Variants in PATJ observed in about 807,000 individuals in gnomAD.
PATJ encodes the protein PATJ crumbs cell polarity complex component, also known as inaD-like protein.
In PATJ, 190 loss-of-function variants were observed where a neutral mutation model predicts 224.9. That is an observed-to-expected ratio of 0.84 (90% CI 0.75 to 0.95). PATJ has a LOEUF of 0.95. PATJ is among the 40% of genes least tolerant of loss of function. The pLI is 0.00. For missense variants in PATJ, 2,121 were observed against 2,270.3 expected, an observed-to-expected ratio of 0.93 and a Z score of 1.34; for synonymous variants, 769 against 820.3, an observed-to-expected ratio of 0.94 and a Z score of 1.07.
rs146569921 is a variant in PATJ at position 62,087,652 on chromosome 1, G to A, written c.4377+3004G>A. On this transcript the variant is annotated intron_variant, in intron 33 of 43. Coordinates refer to ENST00000642238, the MANE Select transcript of PATJ (RefSeq NM_001350145.3). The stretch of plus-strand genomic sequence containing the variant: ...CTTCCCTTTCCTACCATTGGGCCCC[G>A]TCTAGAAAATCCTGGCTTTGAGCCC... 3.0e-3 allele frequency among the ~76,000 whole-genome samples: 458 copies of A among 151,556 alleles called. 1 individual carries two copies. Among genetic ancestry groups the A allele is most frequent in the Middle Eastern group, 0.014 (4 of 294 alleles).
intron 15 of PATJ, among the ~76,000 whole-genome samples, chr1:61,826,219 G>T (rs2148744761): frequency 6.6e-6 from 1 of 152,266 alleles, no homozygotes; most frequent in Non-Finnish European, 1.5e-5. Flanking sequence ...GCTTGAGAGT[G>T]GTTCCCAGGA....
chr1:62,088,517 C>G (rs1474878550), intron 33 of PATJ, among the ~76,000 whole-genome samples: 1 of 152,172 alleles, frequency 6.6e-6, no homozygotes, highest in African/African-American at 2.4e-5. Context: ...GACCATTCCT[C>G]TCTTTTAGCT....
chr1:61,771,101 G>A (rs1045353096), intron 5 of PATJ, among the ~76,000 whole-genome samples: 3 of 152,006 alleles, frequency 2.0e-5, no homozygotes, highest in African/African-American at 7.2e-5. Flanking sequence ...GAAGGGGTTC[G>A]GGAGGTTTGG....
intron 6 of PATJ, among the ~76,000 whole-genome samples, chr1:61,773,709 C>G (rs776390577): frequency 3.8e-4 from 57 of 151,932 alleles, no homozygotes; most frequent in Non-Finnish European, 7.7e-4. Context: ...ATTGCTTGAA[C>G]CTGGCAGGCG....
intron 24 of PATJ, among the ~76,000 whole-genome samples, chr1:61,906,019 A>G (rs1317667686): frequency 2.0e-5 from 3 of 152,194 alleles, no homozygotes; most frequent in Admixed American, 6.5e-5. Context: ...TCAGACGCCA[A>G]TCTTAGTAGG....
chr1:61,855,318 A>G (rs1557761814), intron 17 of PATJ, among the ~76,000 whole-genome samples: 1 of 152,184 alleles, frequency 6.6e-6, no homozygotes, highest in Non-Finnish European at 1.5e-5. Flanking sequence ...CAGGAAATCT[A>G]TATATTTTGG....
At chr1:62,119,956 A>G (rs1664862825) in intron 37 of PATJ, among the ~76,000 whole-genome samples, 2 of 152,176 alleles carry the variant, frequency 1.3e-5, no homozygotes. Flanking sequence ...TTACAATACA[A>G]TGCAATAAAG....
intron 26 of PATJ, among the ~76,000 whole-genome samples, chr1:61,923,853 C>T (rs1022464334): frequency 2.8e-5 from 4 of 143,708 alleles, no homozygotes; most frequent in Non-Finnish European, 6.0e-5. Flanking sequence ...ACCCAGGAGG[C>T]GGAGGTTGTA....
At chr1:62,102,913 G>C (rs1392129077) in intron 33 of PATJ, among the ~76,000 whole-genome samples, 2 of 151,200 alleles carry the variant, frequency 1.3e-5, no homozygotes, top group Non-Finnish European at 2.9e-5. Context: ...GACTCTGTTG[G>C]AGATTGGGAG....
intron 31 of PATJ, among the ~76,000 whole-genome samples, chr1:62,078,269 G>GTGTA (rs766400587): frequency 2.2e-4 from 34 of 152,162 alleles, no homozygotes; most frequent in Admixed American, 3.9e-4. Flanking sequence ...GTTTTTCTTA[G>GTGTA]TGTATGTATG....
Position 61,927,951 on chromosome 1 carries a change from A to T in PATJ, c.3670+122A>T, listed in dbSNP as rs1025535401. 122 of 691,192 alleles carry T rather than the reference A, an allele frequency of 1.8e-4. 1 individual carries two copies. Among genetic ancestry groups the T allele is most frequent in the Middle Eastern group, 1.0e-3 (4 of 3,846 alleles). The allele number at this position is 691,192 out of a possible 1,614,324, so 42.8% of individuals were successfully genotyped here. A position where few individuals can be genotyped will look rare whatever the true frequency, so the allele number is the denominator to read the frequency against. On this transcript the variant is annotated intron_variant, in intron 27 of 43. Coordinates refer to ENST00000642238, the MANE Select transcript of PATJ (RefSeq NM_001350145.3). Reference sequence around the variant, plus strand: ...CAAAAATGTGCATGAATGTATGCTAAAAAATCAAATCTATACCTTTGAAGC... The same window carrying T: ...CAAAAATGTGCATGAATGTATGCTATAAAATCAAATCTATACCTTTGAAGC...
At position 61,766,299 on chromosome 1, in the gene PATJ, T is replaced by C. The variant is rs1000144534; in HGVS notation, c.210T>C (p.Asp70=). ...LKGQLNHIPS[D]CSANFDFSRK... ...AACAGCTCAACCATATACCCTCAGA[T>C]TGTTCAGCCAACTTTGATTTTTCTA... The change falls in exon 4 of 44, where the codon GAT becomes GAC. Residue 70 remains aspartate, a synonymous_variant. Coordinates refer to ENST00000642238, the MANE Select transcript of PATJ (RefSeq NM_001350145.3). 1 of 1,609,538 alleles carries C rather than the reference T, an allele frequency of 6.2e-7. No individual in the cohort carries two copies.
intron 30 of PATJ, among the ~76,000 whole-genome samples, chr1:62,043,581 T>G (rs1651925805): frequency 6.6e-6 from 1 of 152,230 alleles, no homozygotes; most frequent in South Asian, 2.1e-4. Context: ...CACAGCCCTC[T>G]AGTAGAACTC....
intron 3 of PATJ, 111 bp from the exon 4 acceptor site, chr1:61,766,168 C>A: frequency 1.4e-6 from 1 of 696,984 alleles, no homozygotes; most frequent in Non-Finnish European, 2.3e-6. Context: ...ATTTCTTTTC[C>A]ATGTATATAT....
intron 26 of PATJ, among the ~76,000 whole-genome samples, chr1:61,919,224 A>T (rs1673915271): frequency 6.6e-6 from 1 of 151,690 alleles, no homozygotes; most frequent in African/African-American, 2.4e-5. Flanking sequence ...TTCACCCCTT[A>T]ATAATCTTTA....
chr1:61,908,574 C>A (rs1037333867), intron 25 of PATJ, 92 bp downstream of exon 25: 14 of 753,684 alleles, frequency 1.9e-5, no homozygotes, highest in Non-Finnish European at 2.9e-5. Context: ...CACATATTTT[C>A]ATTGTAGTTC....
At chr1:62,100,179 C>T in intron 33 of PATJ, 1 of 498,004 alleles carries the variant, frequency 2.0e-6, no homozygotes, top group South Asian at 4.0e-5. Context: ...ATTTAAAATC[C>T]ATTTGTGATG....
At position 61,985,902 on chromosome 1, in the gene PATJ, C is replaced by T. The variant is rs924757957; in HGVS notation, c.3671-4266C>T. Reference sequence around the variant, plus strand: ...CCAACTTAAGACTAACTTTAAAACTCGACATAACTATATCATGGAAACAAA... The same window carrying T: ...CCAACTTAAGACTAACTTTAAAACTTGACATAACTATATCATGGAAACAAA... On this transcript the variant is annotated intron_variant, in intron 27 of 43. Coordinates refer to ENST00000642238, the MANE Select transcript of PATJ (RefSeq NM_001350145.3). Among the ~76,000 whole-genome samples, 36 of 152,076 alleles carry T rather than the reference C, an allele frequency of 2.4e-4. 1 individual carries two copies. Among genetic ancestry groups the T allele is most frequent in the African/African-American group, 6.0e-4 (25 of 41,386 alleles).
intron 29 of PATJ, among the ~76,000 whole-genome samples, chr1:62,031,753 G>T (rs866049445): frequency 4.6e-5 from 7 of 152,152 alleles, no homozygotes; most frequent in South Asian, 2.1e-4. Context: ...TGTCAGCTTT[G>T]TGATTTATAA....
Sources: gnomAD v4.1 joint callset for allele counts (sites outside exome capture counted in the v4.1 genomes callset) on GRCh38, gnomAD v4.1.1 for gene constraint, MANE v1.5 for transcripts, NCBI Gene and HGNC (gene_info 2026-07-23, HGNC 2026-07-21) for gene names.